CYP2C18: variants seen among roughly 807,000 people sequenced by gnomAD.
CYP2C18 encodes cytochrome P450 family 2 subfamily C member 18.
A neutral mutation model predicts 41.3 loss-of-function variants in CYP2C18; 38 were observed. The ratio of observed to expected loss-of-function variants is 0.92; its 90% CI spans 0.71 to 1.21. CYP2C18 has a LOEUF of 1.21. Among genes scored for constraint, CYP2C18 ranks in the 50% most tolerant of loss-of-function variants. The pLI is 0.00. For synonymous variants in CYP2C18, 236 were observed against 210.0 expected (o/e 1.12, Z -1.07); for missense variants, 635 against 591.4 (o/e 1.07, Z -0.77).
In CYP2C18 at chr10:94,701,312, C is replaced by G. The variant is rs76832431; in HGVS notation, c.643-5472C>G. 2.4e-3 allele frequency among the ~76,000 whole-genome samples: 362 copies of G among 152,264 alleles called. 1 individual carries two copies. Among genetic ancestry groups the G allele is most frequent in the Non-Finnish European group, 4.2e-3 (285 of 68,014 alleles). ...CCATAAAAAATGATGAGTTCATGTC[C>G]TTTGTAAGGACATGGATGAAGCTGG... On this transcript the variant is annotated intron_variant, in intron 4 of 8. Transcript: ENST00000285979.
At chr10:94,709,772 T>A (rs1847403824) in intron 5 of CYP2C18, among the ~76,000 whole-genome samples, 1 of 152,158 alleles carries the variant, frequency 6.6e-6, no homozygotes, top group Admixed American at 6.6e-5. Flanking sequence ...GAGTCAATTT[T>A]TGATTATAGT....
At chr10:94,684,527 TA>T (rs771221530) in intron 1 of CYP2C18, among the ~76,000 whole-genome samples, 1 of 152,202 alleles carries the variant, frequency 6.6e-6, no homozygotes. Flanking sequence ...TAAATAAGAA[TA>T]TTTTTTCCTC....
At chr10:94,696,443 CA>C (rs1435582142) in intron 4 of CYP2C18, among the ~76,000 whole-genome samples, 1 of 151,968 alleles carries the variant, frequency 6.6e-6, no homozygotes, top group African/African-American at 2.4e-5. Flanking sequence ...GGAAAACTAA[CA>C]AATAGAAAGG....
intron 4 of CYP2C18, among the ~76,000 whole-genome samples, chr10:94,704,934 G>C (rs151189742): frequency 6.6e-6 from 1 of 152,076 alleles, no homozygotes; most frequent in East Asian, 1.9e-4. Context: ...AGTGAGTTTT[G>C]AATCAGGTGA....
chr10:94,720,502 G>A lies in CYP2C18; in HGVS notation c.926G>A (p.Gly309Glu). Reference protein sequence around the residue: ...TETTSTTLRYGLLLLLKYPEV... With the variant: ...TETTSTTLRYELLLLLKYPEV... ...ACAACGAGCACCACTCTGAGATATGGACTCCTGCTCCTGCTGAAGTACCCA... is the reference window on the plus strand; with the variant it reads ...ACAACGAGCACCACTCTGAGATATGAACTCCTGCTCCTGCTGAAGTACCCA... The change falls in exon 6 of 9, where the codon GGA (glycine) becomes GAA (glutamate). Residue 309 changes from glycine (G) to glutamate (E), a missense_variant. Physicochemically the swap from Gly to Glu is moderately conservative, Grantham distance 98. Transcript: ENST00000285979. The A allele has an allele frequency of 6.2e-7, 1 of 1,613,354 alleles. No individual in the cohort carries two copies. The highest frequency in any genetic ancestry group is 8.5e-7 in the Non-Finnish European group (1 of 1,179,540).
chr10:94,700,329 C>A (rs570931968), intron 4 of CYP2C18, among the ~76,000 whole-genome samples: 53 of 152,288 alleles, frequency 3.5e-4, no homozygotes, highest in African/African-American at 1.2e-3. Context: ...TGCCACATAT[C>A]TACAACCATC....
intron 4 of CYP2C18, among the ~76,000 whole-genome samples, chr10:94,706,450 A>G (rs1211493697): frequency 6.6e-6 from 1 of 152,198 alleles, no homozygotes; most frequent in African/African-American, 2.4e-5. Flanking sequence ...CTTATCTGTA[A>G]AATGGGAATT....
intron 4 of CYP2C18, among the ~76,000 whole-genome samples, chr10:94,698,710 T>A (rs1847172619): frequency 2.0e-5 from 3 of 151,282 alleles, no homozygotes; most frequent in African/African-American, 4.9e-5. Context: ...TTTTAAAAGA[T>A]CAACAAAATT....
chr10:94,710,196 G>T (rs915669041), intron 5 of CYP2C18, among the ~76,000 whole-genome samples: 3 of 152,164 alleles, frequency 2.0e-5, no homozygotes, highest in African/African-American at 7.2e-5. Context: ...GCCTCCAACT[G>T]CTGGCCTCAA....
At chr10:94,727,550 C>G (rs35835168) in intron 7 of CYP2C18, among the ~76,000 whole-genome samples, 30,587 of 151,372 alleles carry the variant, frequency 0.2, 3,517 homozygotes, top group East Asian at 0.38. Flanking sequence ...AAGAGGTTGA[C>G]GCTGCTGTGA....
At chr10:94,696,008 C>A (rs1397410713) in intron 4 of CYP2C18, among the ~76,000 whole-genome samples, 1 of 152,176 alleles carries the variant, frequency 6.6e-6, no homozygotes, top group Non-Finnish European at 1.5e-5. Context: ...GTGGAGCCCA[C>A]CGCAGCTCAA....
chr10:94,733,337 A>T lies in CYP2C18; in HGVS notation c.1190A>T (p.Asn397Ile). 1 of 1,613,368 alleles carries T rather than the reference A, an allele frequency of 6.2e-7. No individual in the cohort carries two copies. Among genetic ancestry groups the T allele is most frequent in the East Asian group, 2.2e-5 (1 of 44,840 alleles). ...ACATCCCTGACTTCTGTGCTGCACA[A>T]TGACAAAGAATTCCCCAACCCAGAG... is the stretch of plus-strand genomic sequence containing the variant. ...IITSLTSVLH[N>I]DKEFPNPEMF... The change falls in exon 8 of 9, where the codon AAT becomes ATT. Residue 397 changes from asparagine to isoleucine, a missense_variant. Coordinates refer to ENST00000285979, the MANE Select transcript of CYP2C18 (RefSeq NM_000772.3).
chr10:94,708,425 T>C (rs1847379897), intron 5 of CYP2C18, among the ~76,000 whole-genome samples: 1 of 152,214 alleles, frequency 6.6e-6, no homozygotes, highest in Non-Finnish European at 1.5e-5. Context: ...CTTAATGCTA[T>C]GAATTGTCTC....
intron 1 of CYP2C18, among the ~76,000 whole-genome samples, chr10:94,686,188 T>A (rs528846651): frequency 2.0e-5 from 3 of 152,190 alleles, no homozygotes; most frequent in Non-Finnish European, 2.9e-5. Flanking sequence ...CTTTTTTAGA[T>A]ATTTTGTTGC....
rs867420841 is a variant in CYP2C18, at chr10:94,688,839, A to G, written c.481+565A>G. On this transcript the variant is annotated intron_variant, in intron 3 of 8. Transcript: ENST00000285979. ...CCCAAAGTGTAATTGTGGGTTATCTATTCTAGAACATTTCACCAGGAATAC... is the reference window on the plus strand; with the variant it reads ...CCCAAAGTGTAATTGTGGGTTATCTGTTCTAGAACATTTCACCAGGAATAC... 4.6e-5 allele frequency among the ~76,000 whole-genome samples: 7 copies of G among 152,304 alleles called. No homozygotes were observed. In the Middle Eastern group the frequency reaches 0.014, roughly 296 times the overall value.
intron 4 of CYP2C18, among the ~76,000 whole-genome samples, chr10:94,697,931 C>T (rs1243406896): frequency 3.3e-5 from 5 of 152,142 alleles, no homozygotes; most frequent in African/African-American, 4.8e-5. Flanking sequence ...GAAGAGCTAA[C>T]GATCCTAAAT....
At chr10:94,701,143 C>T in intron 4 of CYP2C18, among the ~76,000 whole-genome samples, 1 of 152,204 alleles carries the variant, frequency 6.6e-6, no homozygotes, top group East Asian at 1.9e-4. Flanking sequence ...GATTATAAAA[C>T]ATGCTACTAT....
At chr10:94,693,850 A>C (rs543483342) in intron 3 of CYP2C18, among the ~76,000 whole-genome samples, 1 of 152,308 alleles carries the variant, frequency 6.6e-6, no homozygotes, top group East Asian at 1.9e-4. Flanking sequence ...GATTATAACA[A>C]TTTTATTTAA....
chr10:94,698,899 G>A (rs556902963), intron 4 of CYP2C18, among the ~76,000 whole-genome samples: 8 of 152,208 alleles, frequency 5.3e-5, no homozygotes, highest in South Asian at 2.1e-4. Flanking sequence ...TAAATTCCTC[G>A]ACACATACAC....
Sources: allele counts gnomAD v4.1 joint callset (sites outside exome capture counted in the v4.1 genomes callset), GRCh38; gene constraint gnomAD v4.1.1; transcripts MANE v1.5; gene names NCBI Gene and HGNC (gene_info 2026-07-23, HGNC 2026-07-21).